KIAA0930: variants seen among roughly 807,000 people sequenced by gnomAD.
The protein encoded by KIAA0930 is uncharacterized protein KIAA0930.
In KIAA0930, 24 loss-of-function variants were observed where a neutral mutation model predicts 43.9. That is an observed-to-expected ratio of 0.55 (90% CI 0.40 to 0.77). The LOEUF is 0.77. KIAA0930 is among the 30% of genes least tolerant of loss of function. The pLI, the probability that KIAA0930 is intolerant of heterozygous loss-of-function variation, is 0.00. For synonymous variants in KIAA0930, 259 were observed against 216.4 expected (o/e 1.20, Z -1.73); for missense variants, 461 against 574.2 (o/e 0.80, Z 2.02).
chr22:45,225,358 C>T (rs1238743196), intron 1 of KIAA0930, among the ~76,000 whole-genome samples: 1 of 152,190 alleles, frequency 6.6e-6, no homozygotes, highest in African/African-American at 2.4e-5. Flanking sequence ...GTGAGCAGTG[C>T]CATGCCCTCT....
chr22:45,230,581 T>C (rs1478524805), intron 1 of KIAA0930, among the ~76,000 whole-genome samples: 1 of 66,594 alleles, frequency 1.5e-5, no homozygotes, highest in Non-Finnish European at 2.6e-5. Flanking sequence ...GATCACATTC[T>C]TTTTTTTTTT....
chr22:45,218,344 T>TTC (rs1262207601), intron 1 of KIAA0930, among the ~76,000 whole-genome samples: 1 of 138,666 alleles, frequency 7.2e-6, no homozygotes, highest in African/African-American at 2.7e-5. Flanking sequence ...TTTTTTTTTT[T>TTC]TTTTTTTTTT....
chr22:45,239,050 T>G (rs868046517), intron 1 of KIAA0930, among the ~76,000 whole-genome samples: 6 of 152,238 alleles, frequency 3.9e-5, no homozygotes, highest in Admixed American at 6.5e-5. Flanking sequence ...CACTGTTCAC[T>G]GTTCTTCTGG....
chr22:45,239,802 A>T (rs2083906165), intron 1 of KIAA0930, among the ~76,000 whole-genome samples: 1 of 152,100 alleles, frequency 6.6e-6, no homozygotes, highest in South Asian at 2.1e-4. Flanking sequence ...ATGTGGTATG[A>T]AGTCATTCCC....
Position 45,197,093 on chromosome 22 carries a change from C to G in KIAA0930, c.*83G>C, listed in dbSNP as rs2083543163. ...CCAGCACTGGCGTGCCATCGCAGAC[C>G]CCGGTGGCGGTGGACAGGTAGGCAC... On this transcript the variant is annotated 3_prime_UTR_variant, in exon 10 of 10. Coordinates refer to ENST00000336156, the MANE Select transcript of KIAA0930 (RefSeq NM_001009880.2). 2.5e-6 allele frequency: 3 copies of G among 1,205,254 alleles called. No homozygotes were observed. Among genetic ancestry groups the G allele is most frequent in the Middle Eastern group, 2.3e-4 (1 of 4,304 alleles). 74.7% of individuals were successfully genotyped at this position (1,205,254 alleles called of 1,614,324 possible).
In KIAA0930 at chr22:45,238,920, C is replaced by T. The variant is rs542134702; in HGVS notation, c.64+1720G>A. 5.9e-5 allele frequency among the ~76,000 whole-genome samples: 9 copies of T among 151,956 alleles called. No homozygotes were observed. The South Asian group carries it at 8.3e-4, about 14-fold the overall frequency. ...TCTCTCTCACCCTCAGGCTCTTCAT[C>T]GCTGATATGGAGATAATACTGCTCC... On this transcript the variant is annotated intron_variant, in intron 1 of 9. Transcript: ENST00000336156.
intron 8 of KIAA0930, among the ~76,000 whole-genome samples, chr22:45,199,118 C>T (rs953986044): frequency 6.6e-6 from 1 of 152,168 alleles, no homozygotes; most frequent in African/African-American, 2.4e-5. Flanking sequence ...AGCCATTTCC[C>T]ACAGAGACTG....
At chr22:45,224,852 G>A (rs747878159) in intron 1 of KIAA0930, among the ~76,000 whole-genome samples, 5 of 152,148 alleles carry the variant, frequency 3.3e-5, no homozygotes, top group Non-Finnish European at 7.4e-5. Context: ...TGGAGGGGCC[G>A]GGCCCTCTTC....
In KIAA0930 at chr22:45,222,572, G is replaced by C. The variant is rs527577092; in HGVS notation, c.65-10465C>G. 1.5e-4 allele frequency among the ~76,000 whole-genome samples: 23 copies of C among 151,846 alleles called. 1 individual carries two copies. Among genetic ancestry groups the C allele is most frequent in the African/African-American group, 5.1e-4 (21 of 41,220 alleles). On this transcript the variant is annotated intron_variant, in intron 1 of 9. Coordinates refer to ENST00000336156, the MANE Select transcript of KIAA0930 (RefSeq NM_001009880.2). ...AATCCGCTTGCCTTGGCCTCCCAAA[G>C]TGCTGGGATTACAAGCATGAGCCAC...
At chr22:45,240,550 G>A in intron 1 of KIAA0930, 90 bp downstream of exon 1, 1 of 905,026 alleles carries the variant, frequency 1.1e-6, no homozygotes, top group Non-Finnish European at 1.7e-6. Flanking sequence ...AGACAGAGAT[G>A]CGCGGGGCGC....
At chr22:45,234,133 G>A (rs1040241242) in intron 1 of KIAA0930, among the ~76,000 whole-genome samples, 2 of 152,206 alleles carry the variant, frequency 1.3e-5, no homozygotes, top group African/African-American at 4.8e-5. Flanking sequence ...TGACCCTGAG[G>A]GGCAAACGTC....
chr22:45,213,376 G>A, intron 1 of KIAA0930: 3 of 1,303,406 alleles, frequency 2.3e-6, no homozygotes, highest in Non-Finnish European at 3.0e-6. Context: ...GGGAGGAAAA[G>A]AGAAGGAGGC....
At chr22:45,211,849 CTT>C (rs1266944502) in intron 2 of KIAA0930, 105 bp downstream of exon 2, 7 of 1,116,902 alleles carry the variant, frequency 6.3e-6, no homozygotes, top group African/African-American at 1.5e-5. Context: ...CACTCACCCT[CTT>C]TGATATGCAT....
At chr22:45,227,905 C>T (rs1157683632) in intron 1 of KIAA0930, among the ~76,000 whole-genome samples, 1 of 152,192 alleles carries the variant, frequency 6.6e-6, no homozygotes, top group Non-Finnish European at 1.5e-5. Flanking sequence ...CTAACGAGCT[C>T]CCACTGTGTG....
chr22:45,205,020 C>T (rs1194025675), intron 5 of KIAA0930, among the ~76,000 whole-genome samples, 197 bp downstream of exon 5: 1 of 152,122 alleles, frequency 6.6e-6, no homozygotes, highest in Non-Finnish European at 1.5e-5. Flanking sequence ...GAGGAGGAAA[C>T]GGAGGCTGCG....
At chr22:45,216,669 C>T (rs2083734546) in intron 1 of KIAA0930, among the ~76,000 whole-genome samples, 1 of 152,126 alleles carries the variant, frequency 6.6e-6, no homozygotes, top group African/African-American at 2.4e-5. Context: ...GTCACAAGCC[C>T]CGGGAGCTGC....
intron 1 of KIAA0930, among the ~76,000 whole-genome samples, chr22:45,215,209 C>A (rs1169156095): frequency 1.3e-5 from 2 of 152,134 alleles, no homozygotes; most frequent in African/African-American, 4.8e-5. Context: ...CAGAGCGAGA[C>A]CCTGTCTCAA....
At chr22:45,234,402 G>A (rs544794610) in intron 1 of KIAA0930, among the ~76,000 whole-genome samples, 3 of 152,220 alleles carry the variant, frequency 2.0e-5, no homozygotes, top group Admixed American at 1.3e-4. Context: ...CAAGGCATGG[G>A]CCCAAAGTCT....
chr22:45,214,657 C>T (rs2083720158), intron 1 of KIAA0930, among the ~76,000 whole-genome samples: 1 of 152,114 alleles, frequency 6.6e-6, no homozygotes, highest in African/African-American at 2.4e-5. Flanking sequence ...ACCTGTAATC[C>T]CAGCACTTTG....
Sources: allele counts gnomAD v4.1 joint callset (sites outside exome capture counted in the v4.1 genomes callset), GRCh38; gene constraint gnomAD v4.1.1; transcripts MANE v1.5; gene names NCBI Gene and HGNC (gene_info 2026-07-23, HGNC 2026-07-21).